SRP68: variants seen among roughly 807,000 people sequenced by gnomAD.
SRP68 encodes signal recognition particle 68.
A neutral mutation model predicts 82.2 loss-of-function variants in SRP68; 15 were observed. The ratio of observed to expected loss-of-function variants is 0.18; its 90% confidence interval spans 0.12 to 0.28. The LOEUF is 0.28. SRP68 is among the 10% of genes least tolerant of loss of function. SRP68 has a pLI of 1.00. For missense variants in SRP68, 595 were observed against 780.5 expected (o/e 0.76, Z 2.83); for synonymous variants, 261 against 292.6 (o/e 0.89, Z 1.10).
intron 6 of SRP68, 92 bp from the exon 7 acceptor site, chr17:76,060,482 T>C (rs971824081): frequency 1.2e-6 from 1 of 807,424 alleles, no homozygotes; most frequent in Non-Finnish European, 2.1e-6. Context: ...CTCTTCCCCC[T>C]CCACATGCTA....
At chr17:76,070,140 C>T (rs1294568134) in intron 2 of SRP68, among the ~76,000 whole-genome samples, 1 of 140,300 alleles carries the variant, frequency 7.1e-6, no homozygotes, top group African/African-American at 2.8e-5. Flanking sequence ...AGGAGAATCG[C>T]TGGAACCCAG....
intron 3 of SRP68, among the ~76,000 whole-genome samples, chr17:76,065,633 G>A (rs115221707): frequency 1.3e-5 from 2 of 152,118 alleles, no homozygotes; most frequent in African/African-American, 4.8e-5. Context: ...TTCCTAGACT[G>A]CATGCACGGA....
At chr17:76,059,461 G>C (rs1394159246) in intron 7 of SRP68, among the ~76,000 whole-genome samples, 1 of 152,122 alleles carries the variant, frequency 6.6e-6, no homozygotes, top group Non-Finnish European at 1.5e-5. Context: ...GGAATCGCTT[G>C]AACCTGGGAG....
intron 4 of SRP68, among the ~76,000 whole-genome samples, chr17:76,062,729 T>TTATATATATA (rs200522360): frequency 2.3e-3 from 34 of 14,504 alleles, no homozygotes; most frequent in East Asian, 4.3e-3. Flanking sequence ...TATATTTATT[T>TTATATATATA]TATATATATA....
chr17:76,047,035 G>A (rs1265535639), intron 10 of SRP68, among the ~76,000 whole-genome samples: 1 of 152,214 alleles, frequency 6.6e-6, no homozygotes, highest in Non-Finnish European at 1.5e-5. Flanking sequence ...CTGAGCCCGG[G>A]AGGCAAAGGT....
intron 1 of SRP68, 71 bp from the exon 2 acceptor site, chr17:76,070,515 T>C: frequency 7.7e-7 from 1 of 1,294,880 alleles, no homozygotes; most frequent in Non-Finnish European, 1.1e-6. Flanking sequence ...ACCATCAGTC[T>C]ATATCTGTGT....
rs182561784 is a variant in SRP68 at position 76,071,464 on chromosome 17, C to T, written c.184+844G>A. 3.3e-5 allele frequency among the ~76,000 whole-genome samples: 5 copies of T among 152,270 alleles called. No individual in the cohort carries two copies. The highest frequency in any genetic ancestry group is 1.2e-4 in the African/African-American group (5 of 41,546). ...TTTAAAATAGTGAACGCTAAAAGGA[C>T]TCTTTAAATTACTAAAACGGGACAA... On this transcript the variant is annotated intron_variant, in intron 1 of 15. Coordinates refer to ENST00000307877, the MANE Select transcript of SRP68 (RefSeq NM_014230.4). This position sits in a 1 kb window ranked among gnomAD's most constrained non-coding sequence, Gnocchi z 4.7.
At chr17:76,049,592 G>T (rs1227800897) in intron 9 of SRP68, 1 of 152,234 alleles carries the variant, frequency 6.6e-6, no homozygotes, top group East Asian at 1.9e-4. Flanking sequence ...TCTGAACTGA[G>T]AGGCCAGTGG....
intron 1 of SRP68, among the ~76,000 whole-genome samples, chr17:76,070,757 G>A (rs112092981): frequency 1.2e-4 from 18 of 151,926 alleles, no homozygotes; most frequent in Non-Finnish European, 1.6e-4. Flanking sequence ...CAGGAGAATC[G>A]CTTGAACTTG....
chr17:76,040,291 G>C (rs2066579337), intron 15 of SRP68, 128 bp downstream of exon 15: 1 of 891,814 alleles, frequency 1.1e-6, no homozygotes, highest in South Asian at 1.4e-5. Flanking sequence ...TTGAGGTTGG[G>C]TAAGAGAAGG....
Position 76,046,308 on chromosome 17 carries a change from G to A in SRP68, c.1143-114C>T, listed in dbSNP as rs914373812. ...GAAGCAGGGGGCGGGTGGGGGCGTG[G>A]CCACAGCAGGGCCATTTGGCTTGGG... On this transcript the variant is annotated intron_variant, in intron 10 of 15. Transcript: ENST00000307877. 21 of 1,214,674 alleles carry A rather than the reference G, an allele frequency of 1.7e-5. No individual in the cohort carries two copies. In the African/African-American group the frequency reaches 2.4e-4, roughly 14 times the overall value. The allele number at this position is 1,214,674 out of a possible 1,614,324, so 75.2% of individuals were successfully genotyped here. A position where few individuals can be genotyped will look rare whatever the true frequency, so the allele number is the denominator to read the frequency against.
chr17:76,046,320 C>T (rs2066630416), intron 10 of SRP68, 126 bp from the exon 11 acceptor site: 7 of 1,097,578 alleles, frequency 6.4e-6, no homozygotes, highest in Admixed American at 2.0e-5. Context: ...CACAGCAGGG[C>T]CATTTGGCTT....
At chr17:76,056,704 A>G (rs2066716120) in intron 8 of SRP68, among the ~76,000 whole-genome samples, 1 of 152,202 alleles carries the variant, frequency 6.6e-6, no homozygotes. Flanking sequence ...TCAGGGTGCA[A>G]AAGATAACTG....
intron 6 of SRP68, 174 bp from the exon 7 acceptor site, chr17:76,060,564 A>G: frequency 1.7e-6 from 1 of 575,562 alleles, no homozygotes; most frequent in Non-Finnish European, 3.1e-6. Context: ...TGACTGGGGC[A>G]ATGAAAATAC....
intron 4 of SRP68, among the ~76,000 whole-genome samples, chr17:76,063,243 T>C (rs2066782641): frequency 6.6e-6 from 1 of 152,204 alleles, no homozygotes; most frequent in African/African-American, 2.4e-5. Context: ...AGCTATAACA[T>C]AAGCATCAGA....
chr17:76,060,491 T>A, intron 6 of SRP68, 101 bp from the exon 7 acceptor site: 2 of 740,686 alleles, frequency 2.7e-6, no homozygotes, highest in Non-Finnish European at 4.7e-6. Context: ...CTCCACATGC[T>A]ACTTCAATGA....
intron 3 of SRP68, among the ~76,000 whole-genome samples, chr17:76,066,050 G>A (rs888429111): frequency 6.6e-6 from 1 of 151,956 alleles, no homozygotes; most frequent in African/African-American, 2.4e-5. Context: ...GTAACTGTGA[G>A]GAAGACCCGG....
chr17:76,072,151 C>G lies in SRP68; in HGVS notation c.184+157G>C. 7.1e-7 allele frequency: 1 copy of G among 1,408,580 alleles called. No individual in the cohort carries two copies. The highest frequency in any genetic ancestry group is 2.4e-5 in the East Asian group (1 of 41,204). 87.3% of individuals were successfully genotyped at this position (1,408,580 alleles called of 1,614,324 possible). ...GGAAAGACTAGTCGAGAGACAGACC[C>G]CCCCCGGAATTCTGAGCACCAAAAG... On this transcript the variant is annotated intron_variant, in intron 1 of 15. Transcript: ENST00000307877. This position sits in a 1 kb window ranked among gnomAD's most constrained non-coding sequence, Gnocchi z 4.5.
At chr17:76,051,605 A>C (rs1048602120) in intron 8 of SRP68, among the ~76,000 whole-genome samples, 4 of 151,750 alleles carry the variant, frequency 2.6e-5, no homozygotes, top group Non-Finnish European at 4.4e-5. Flanking sequence ...TTAAGAATCT[A>C]TTTCTTCTCT....
Sources: gnomAD v4.1 joint callset for allele counts (sites outside exome capture counted in the v4.1 genomes callset) on GRCh38, gnomAD v4.1.1 for gene constraint, Gnocchi (gnomAD v3.1) non-coding constraint, MANE v1.5 for transcripts, NCBI Gene and HGNC (gene_info 2026-07-23, HGNC 2026-07-21) for gene names.